MTHFD2L: variants seen among roughly 807,000 people sequenced by gnomAD.
The protein encoded by MTHFD2L is methylenetetrahydrofolate dehydrogenase (NADP+ dependent) 2 like, also known as bifunctional methylenetetrahydrofolate dehydrogenase/cyclohydrolase 2, mitochondrial.
A neutral mutation model predicts 34.9 loss-of-function variants in MTHFD2L; 29 were observed. The observed-to-expected ratio is 0.83, with a 90% CI of 0.62 to 1.13. MTHFD2L has a LOEUF of 1.13. MTHFD2L is among the 50% of genes most tolerant of loss of function. The pLI, the probability that MTHFD2L is intolerant of heterozygous loss-of-function variation, is 0.00. For missense variants in MTHFD2L, 481 were observed against 446.5 expected, an observed-to-expected ratio of 1.08 and a Z score of -0.70; for synonymous variants, 167 against 155.7, an observed-to-expected ratio of 1.07 and a Z score of -0.54.
At chr4:74,171,011 G>A (rs1727845971) in intron 1 of MTHFD2L, among the ~76,000 whole-genome samples, 1 of 150,948 alleles carries the variant, frequency 6.6e-6, no homozygotes, top group African/African-American at 2.4e-5. Context: ...ATAGCATTAG[G>A]AGATATACCT....
At chr4:74,192,231 G>A (rs1732677251) in intron 3 of MTHFD2L, among the ~76,000 whole-genome samples, 1 of 152,080 alleles carries the variant, frequency 6.6e-6, no homozygotes, top group African/African-American at 2.4e-5. Flanking sequence ...TGGAGGACAG[G>A]TTGTATTTTT....
chr4:74,166,542 T>A (rs915010189), intron 1 of MTHFD2L, among the ~76,000 whole-genome samples: 1 of 152,252 alleles, frequency 6.6e-6, no homozygotes, highest in East Asian at 1.9e-4. Context: ...CTAAAAACTT[T>A]AAATCTGAAG....
chr4:74,211,562 C>T (rs972438747), intron 5 of MTHFD2L, among the ~76,000 whole-genome samples: 3 of 152,116 alleles, frequency 2.0e-5, no homozygotes, highest in Non-Finnish European at 4.4e-5. Context: ...TAAGCTTTTT[C>T]ATGTGCTGCT....
rs546910151 is a variant in MTHFD2L at position 74,254,556 on chromosome 4, C to T, written c.806-26869C>T. On this transcript the variant is annotated intron_variant, in intron 6 of 7. Coordinates refer to ENST00000325278, the MANE Select transcript of MTHFD2L (RefSeq NM_001144978.3). ...ATATATCAGCAAAACTGTCCTTAAACAATAAAAGAAAGAAAAAACTCCCCC... is the reference window on the plus strand; with the variant it reads ...ATATATCAGCAAAACTGTCCTTAAATAATAAAAGAAAGAAAAAACTCCCCC... Among the ~76,000 whole-genome samples the T allele has an allele frequency of 4.4e-5, 5 of 114,510 alleles. 1 individual carries two copies. In the South Asian group the frequency reaches 1.4e-3, roughly 33 times the overall value. 75.1% of individuals were successfully genotyped at this position (114,510 alleles called of 152,430 possible). A position where few individuals can be genotyped will look rare whatever the true frequency, so the allele number is the denominator to read the frequency against.
At chr4:74,202,519 C>T (rs978851167) in intron 5 of MTHFD2L, among the ~76,000 whole-genome samples, 5 of 152,078 alleles carry the variant, frequency 3.3e-5, no homozygotes, top group African/African-American at 1.2e-4. Flanking sequence ...GGAAATACAG[C>T]AAAGGGGTGA....
At position 74,174,526 on chromosome 4, in the gene MTHFD2L, C is replaced by T. The variant is rs373263113; in HGVS notation, c.164C>T (p.Ser55Leu). The change falls in exon 2 of 8, where the codon TCA becomes TTA. Residue 55 changes from serine (S) to leucine (L), a missense_variant. Coordinates refer to ENST00000325278, the MANE Select transcript of MTHFD2L (RefSeq NM_001144978.3). ...SGVRHEAIII[S>L]GTEMAKHIQK... is the part of the protein sequence containing the mutation. ...CACAGACATGAAGCCATTATTATATCAGGAACCGAAATGGCCAAGCATATC... is the reference window on the plus strand; with the variant it reads ...CACAGACATGAAGCCATTATTATATTAGGAACCGAAATGGCCAAGCATATC... The T allele has an allele frequency of 6.4e-7, 1 of 1,558,690 alleles. No individual in the cohort carries two copies. Among genetic ancestry groups the T allele is most frequent in the Non-Finnish European group, 8.7e-7 (1 of 1,155,596 alleles).
In MTHFD2L at chr4:74,270,922, TGAG is replaced by T. The variant is rs530641947; in HGVS notation, c.806-10500_806-10498del. On this transcript the variant is annotated intron_variant, in intron 6 of 7. Transcript: ENST00000325278. The stretch of plus-strand genomic sequence containing the variant: ...TGATTTGCATTTCTCTGATGGCCAG[TGAG>T]GATGAGCATTTTTTCATGTGTCTGT... Among the ~76,000 whole-genome samples, 402 of 152,146 alleles carry T rather than the reference TGAG, an allele frequency of 2.6e-3. 1 individual carries two copies. The highest frequency in any genetic ancestry group is 8.4e-3 in the African/African-American group (350 of 41,444).
rs151198936 is a variant in MTHFD2L, at chr4:74,214,977, G to C, written c.713-10325G>C. Among the ~76,000 whole-genome samples the C allele has an allele frequency of 4.4e-4, 67 of 151,828 alleles. 2 individuals are homozygous for C. Among genetic ancestry groups the C allele is most frequent in the Admixed American group, 5.9e-4 (9 of 15,270 alleles). On this transcript the variant is annotated intron_variant, in intron 5 of 7. Coordinates refer to ENST00000325278, the MANE Select transcript of MTHFD2L (RefSeq NM_001144978.3). ...GGCTCCGCCTCCTTCAAACTTCCTG[G>C]TGGCTTTGTTTACACTGTGAGGGGA...
In MTHFD2L at chr4:74,174,539, G is replaced by GGCCAA; in HGVS notation, c.180_184dup (p.His62ProfsTer27). ...CCATTATTATATCAGGAACCGAAAT[G>GGCCAA]GCCAAGCATATCCAGAAAGAAATAC... On this transcript the variant is annotated frameshift_variant, in exon 2 of 8. Coordinates refer to ENST00000325278, the MANE Select transcript of MTHFD2L (RefSeq NM_001144978.3). LOFTEE classifies it high-confidence loss of function. 1.9e-6 allele frequency: 3 copies of GGCCAA among 1,585,898 alleles called. No homozygotes were observed. Among genetic ancestry groups the GGCCAA allele is most frequent in the Non-Finnish European group, 2.6e-6 (3 of 1,167,698 alleles).
chr4:74,216,456 G>A (rs1248153238), intron 5 of MTHFD2L, among the ~76,000 whole-genome samples: 2 of 151,818 alleles, frequency 1.3e-5, no homozygotes, highest in East Asian at 3.9e-4. Context: ...GGTCAGTGTT[G>A]AGAATGATTT....
At chr4:74,115,972 G>C (rs1721649733) in intron 2 of MTHFD2L, among the ~76,000 whole-genome samples, 1 of 152,138 alleles carries the variant, frequency 6.6e-6, no homozygotes, top group Non-Finnish European at 1.5e-5. Flanking sequence ...TAAAGTATTT[G>C]TAATCAAAGA....
At chr4:74,273,492 C>T (rs1345044421) in intron 6 of MTHFD2L, among the ~76,000 whole-genome samples, 1 of 152,120 alleles carries the variant, frequency 6.6e-6, no homozygotes, top group Non-Finnish European at 1.5e-5. Flanking sequence ...TTGAATACTT[C>T]CTCAAACACA....
chr4:74,244,863 C>T (rs901319126), intron 6 of MTHFD2L, among the ~76,000 whole-genome samples: 4 of 152,122 alleles, frequency 2.6e-5, no homozygotes, highest in Non-Finnish European at 4.4e-5. Flanking sequence ...TTTCCAACTA[C>T]ATATGCATAT....
intron 1 of MTHFD2L, among the ~76,000 whole-genome samples, chr4:74,126,265 A>G (rs1260891526): frequency 6.6e-6 from 1 of 152,216 alleles, no homozygotes; most frequent in Admixed American, 6.6e-5. Context: ...TTCTAGTCAC[A>G]AAACATCATC....
chr4:74,222,431 T>G (rs1738368400), intron 5 of MTHFD2L, among the ~76,000 whole-genome samples: 1 of 152,128 alleles, frequency 6.6e-6, no homozygotes, highest in African/African-American at 2.4e-5. Context: ...TGGGCTGAAC[T>G]TGTTCATTTA....
At chr4:74,164,119 G>C (rs188067624) in intron 1 of MTHFD2L, among the ~76,000 whole-genome samples, 1 of 152,006 alleles carries the variant, frequency 6.6e-6, no homozygotes, top group African/African-American at 2.4e-5. Flanking sequence ...TTCGTGATCC[G>C]CCCGCCTCAG....
intron 3 of MTHFD2L, 41 bp downstream of exon 3, chr4:74,175,444 T>A: frequency 1.9e-6 from 3 of 1,571,728 alleles, no homozygotes; most frequent in East Asian, 4.5e-5. Flanking sequence ...TTGTTAAAAG[T>A]GAAACAAAGG....
chr4:74,290,801 C>T (rs1748797320), intron 7 of MTHFD2L, among the ~76,000 whole-genome samples: 1 of 151,896 alleles, frequency 6.6e-6, no homozygotes, highest in African/African-American at 2.4e-5. Context: ...GTAGTCTGTT[C>T]TCTTTGCCCA....
chr4:74,164,589 C>T (rs1212911666), intron 1 of MTHFD2L, among the ~76,000 whole-genome samples: 2 of 152,284 alleles, frequency 1.3e-5, no homozygotes, highest in East Asian at 3.9e-4. Context: ...TTTTGCAAAC[C>T]AGCCCATGAA....
Sources: gnomAD v4.1 joint callset for allele counts (sites outside exome capture counted in the v4.1 genomes callset) on GRCh38, gnomAD v4.1.1 for gene constraint, MANE v1.5 for transcripts, NCBI Gene and HGNC (gene_info 2026-07-23, HGNC 2026-07-21) for gene names.